The following YWHAG variants were observed in gnomAD, a reference collection of about 807,000 sequenced individuals.
YWHAG encodes the protein tyrosine 3-monooxygenase/tryptophan 5-monooxygenase activation protein gamma, also known as 14-3-3 protein gamma.
Under a neutral mutation model 23.3 loss-of-function variants are expected in YWHAG, and 1 was observed. The observed-to-expected ratio is 0.04, with a 90% CI of 0.02 to 0.20. YWHAG has a LOEUF of 0.20. Ranked by LOEUF, YWHAG falls within the 10% of genes least tolerant of loss-of-function variation. The pLI, the probability that YWHAG is intolerant of heterozygous loss-of-function variation, is 1.00. For missense variants in YWHAG, 151 were observed against 338.6 expected, an observed-to-expected ratio of 0.45 and a Z score of 4.35; for synonymous variants, 160 against 144.0, an observed-to-expected ratio of 1.11 and a Z score of -0.80.
chr7:76,358,669 G>T, intron 1 of YWHAG, 53 bp downstream of exon 1: 4 of 1,512,452 alleles, frequency 2.6e-6, no homozygotes, highest in Non-Finnish European at 3.6e-6. Flanking sequence ...CCACGCCAAG[G>T]ACCGCGTCTT....
intron 1 of YWHAG, among the ~76,000 whole-genome samples, chr7:76,349,100 T>C (rs1189088773): frequency 1.3e-5 from 2 of 151,642 alleles, no homozygotes; most frequent in Non-Finnish European, 1.5e-5. Flanking sequence ...CCCAGCACTT[T>C]GGGAGGCCGA....
chr7:76,338,833 C>T (rs765585465), intron 1 of YWHAG, among the ~76,000 whole-genome samples: 11 of 152,162 alleles, frequency 7.2e-5, no homozygotes, highest in Non-Finnish European at 1.3e-4. Flanking sequence ...GGCACGTATC[C>T]ACTGGTCATG....
intron 1 of YWHAG, among the ~76,000 whole-genome samples, chr7:76,339,042 A>C (rs1202443893): frequency 6.6e-6 from 1 of 152,250 alleles, no homozygotes; most frequent in Admixed American, 6.5e-5. Flanking sequence ...ATTGAAGCTT[A>C]AAGCCAATCT....
rs931976979 is a variant in YWHAG, at chr7:76,327,576, A to G, written c.*2001T>C. On this transcript the variant is annotated 3_prime_UTR_variant, in exon 2 of 2. Coordinates refer to ENST00000307630, the MANE Select transcript of YWHAG (RefSeq NM_012479.4). Reference sequence around the variant, plus strand: ...AATTTAAAGGAAAAATAGGTTTTGTAATTCCAGTAAATCATTTCCAAATGC... The same window carrying G: ...AATTTAAAGGAAAAATAGGTTTTGTGATTCCAGTAAATCATTTCCAAATGC... 6.6e-6 allele frequency: 1 copy of G among 151,040 alleles called. No homozygotes were observed. The highest frequency in any genetic ancestry group is 2.5e-5 in the African/African-American group (1 of 40,616). The allele number at this position is 151,040 out of a possible 1,614,324, so 9.4% of individuals were successfully genotyped here.
At chr7:76,349,876 C>A (rs971040908) in intron 1 of YWHAG, among the ~76,000 whole-genome samples, 1 of 152,116 alleles carries the variant, frequency 6.6e-6, no homozygotes, top group Non-Finnish European at 1.5e-5. Flanking sequence ...CACCTGTAAT[C>A]CCAGCTACTG....
rs1804006315 is a variant in YWHAG, at chr7:76,358,866, C to T, written c.-58G>A. The stretch of plus-strand genomic sequence containing the variant: ...GAGGACACTGGGGCGGCCTGAAGGG[C>T]TTGGAGGGCGCGACTGGAGCCCAAG... On this transcript the variant is annotated 5_prime_UTR_variant, in exon 1 of 2. Transcript: ENST00000307630. 6.7e-7 allele frequency: 1 copy of T among 1,498,972 alleles called. No homozygotes were observed. The allele number at this position is 1,498,972 out of a possible 1,614,324, so 92.9% of individuals were successfully genotyped here.
chr7:76,349,052 C>T (rs1015508326), intron 1 of YWHAG, among the ~76,000 whole-genome samples: 9 of 151,980 alleles, frequency 5.9e-5, no homozygotes, highest in Non-Finnish European at 1.3e-4. Flanking sequence ...TAAAAAATCT[C>T]GTCTTCCCGG....
intron 1 of YWHAG, among the ~76,000 whole-genome samples, chr7:76,344,889 G>A (rs1041549174): frequency 2.2e-4 from 33 of 152,034 alleles, no homozygotes; most frequent in Admixed American, 2.0e-3. Context: ...CTCTTAGCAC[G>A]TTCCCTTCAG....
chr7:76,342,442 T>G (rs150520107), intron 1 of YWHAG, among the ~76,000 whole-genome samples: 40 of 152,346 alleles, frequency 2.6e-4, no homozygotes, highest in African/African-American at 8.2e-4. Context: ...CTGTGAGAAC[T>G]TGGTTGAATT....
At chr7:76,356,136 A>G (rs1356756904) in intron 1 of YWHAG, among the ~76,000 whole-genome samples, 2 of 152,246 alleles carry the variant, frequency 1.3e-5, no homozygotes, top group Admixed American at 1.3e-4. Context: ...CGGCCTTAAA[A>G]GAGAGCTCAC....
chr7:76,332,665 T>C (rs1319162078), intron 1 of YWHAG, among the ~76,000 whole-genome samples: 1 of 151,406 alleles, frequency 6.6e-6, no homozygotes, highest in Non-Finnish European at 1.5e-5. Flanking sequence ...GGACTACAGG[T>C]GTGCACCACC....
At chr7:76,331,579 TTGTTAG>T (rs1289408395) in intron 1 of YWHAG, among the ~76,000 whole-genome samples, 2 of 151,852 alleles carry the variant, frequency 1.3e-5, no homozygotes, top group Admixed American at 1.3e-4. Context: ...TCATCAACTA[TTGTTAG>T]TGTTAGTGTA....
chr7:76,329,489 T>TGCCA lies in YWHAG; in HGVS notation c.*87_*88insTGGC. The TGCCA allele has an allele frequency of 1.7e-5, 17 of 1,024,220 alleles. No homozygotes were observed. Among genetic ancestry groups the TGCCA allele is most frequent in the East Asian group, 1.0e-4 (3 of 28,686 alleles). 63.4% of individuals were successfully genotyped at this position (1,024,220 alleles called of 1,614,324 possible). ...TCCCTGGGAAGGTCATCCCTCCCTTTCCCTCCCCCACCCGACCCCCAACTC... is the reference window on the plus strand; with the variant it reads ...TCCCTGGGAAGGTCATCCCTCCCTTTGCCACCCTCCCCCACCCGACCCCCAACTC... On this transcript the variant is annotated 3_prime_UTR_variant, in exon 2 of 2. Coordinates refer to ENST00000307630, the MANE Select transcript of YWHAG (RefSeq NM_012479.4). This position sits in a 1 kb window ranked among gnomAD's most constrained non-coding sequence, Gnocchi z 6.1.
intron 1 of YWHAG, among the ~76,000 whole-genome samples, chr7:76,351,512 C>G (rs1448716430): frequency 1.3e-5 from 2 of 152,188 alleles, no homozygotes; most frequent in Non-Finnish European, 2.9e-5. Flanking sequence ...CCCAACGGGT[C>G]CATGGCCTGT....
chr7:76,357,325 C>T (rs976340350), intron 1 of YWHAG, among the ~76,000 whole-genome samples: 7 of 152,162 alleles, frequency 4.6e-5, no homozygotes, highest in Non-Finnish European at 1.0e-4. Flanking sequence ...ATCAATAATG[C>T]TTCATTTAAA....
At chr7:76,357,589 C>A (rs947911366) in intron 1 of YWHAG, among the ~76,000 whole-genome samples, 5 of 152,144 alleles carry the variant, frequency 3.3e-5, no homozygotes, top group African/African-American at 1.2e-4. Context: ...GCAACCCAGA[C>A]AAAATGCGAC....
chr7:76,350,913 C>T (rs976808733), intron 1 of YWHAG, among the ~76,000 whole-genome samples: 3 of 152,118 alleles, frequency 2.0e-5, no homozygotes, highest in African/African-American at 7.2e-5. Context: ...TATACCCACA[C>T]ATCAATATTA....
chr7:76,336,988 T>G (rs1160509215), intron 1 of YWHAG, among the ~76,000 whole-genome samples: 1 of 152,204 alleles, frequency 6.6e-6, no homozygotes, highest in Non-Finnish European at 1.5e-5. Context: ...GATAAACCAC[T>G]GCAAACGGAT....
chr7:76,356,197 T>C (rs911203891), intron 1 of YWHAG, among the ~76,000 whole-genome samples: 4 of 152,242 alleles, frequency 2.6e-5, no homozygotes, highest in African/African-American at 9.6e-5. Flanking sequence ...TTCTCCACGA[T>C]GACTTTTATA....
Sources: gnomAD v4.1 joint callset for allele counts (sites outside exome capture counted in the v4.1 genomes callset) on GRCh38, gnomAD v4.1.1 for gene constraint, Gnocchi (gnomAD v3.1) non-coding constraint, MANE v1.5 for transcripts, NCBI Gene and HGNC (gene_info 2026-07-23, HGNC 2026-07-21) for gene names.